Variants in RBL1 observed in about 807,000 individuals in gnomAD.
RBL1 encodes the protein retinoblastoma-like protein 1.
Under a neutral mutation model 123.0 loss-of-function variants are expected in RBL1, and 82 were observed. The observed-to-expected ratio is 0.67, with a 90% CI of 0.56 to 0.80. The LOEUF is 0.80. Among genes scored for constraint, RBL1 ranks in the 30% least tolerant of loss-of-function variants. The probability of loss-of-function intolerance (pLI) is 0.00; values close to 1 mark genes in which losing one functional copy is unlikely to be tolerated. For synonymous variants in RBL1, 405 were observed against 441.3 expected (o/e 0.92, Z 1.03); for missense variants, 1,171 against 1,299.6 (o/e 0.90, Z 1.52).
chr20:37,044,298 C>G, intron 12 of RBL1, 48 bp from the exon 13 acceptor site: 1 of 1,570,590 alleles, frequency 6.4e-7, no homozygotes, highest in Non-Finnish European at 8.7e-7. Flanking sequence ...GCAGTTAGTT[C>G]TAGTCTGGAC....
chr20:37,006,607 G>A (rs1374964350), intron 20 of RBL1, among the ~76,000 whole-genome samples: 3 of 151,108 alleles, frequency 2.0e-5, no homozygotes, highest in East Asian at 2.0e-4. Context: ...CTGGGAGGCC[G>A]AGGTGGGCGG....
chr20:37,001,749 T>G (rs900923268), intron 21 of RBL1, among the ~76,000 whole-genome samples: 2 of 105,724 alleles, frequency 1.9e-5, no homozygotes, highest in African/African-American at 3.6e-5. Flanking sequence ...CCAAGAATGA[T>G]CAATAAAAAA....
intron 21 of RBL1, among the ~76,000 whole-genome samples, chr20:37,000,417 G>A (rs1203821827): frequency 5.0e-5 from 6 of 120,176 alleles, no homozygotes; most frequent in Admixed American, 4.4e-4. Flanking sequence ...GGAGGGAGGT[G>A]GGGGGGTCAT....
intron 15 of RBL1, among the ~76,000 whole-genome samples, chr20:37,033,338 C>T (rs2064546035): frequency 6.6e-6 from 1 of 151,856 alleles, no homozygotes; most frequent in Non-Finnish European, 1.5e-5. Flanking sequence ...CATGCTACCA[C>T]ACCCGGCTAA....
rs547142100 is a variant in RBL1 at position 37,011,511 on chromosome 20, T to C, written c.2723-3952A>G. ...GTGCAGTGGCACAATCTCAGCTCACTGCAACCTCAGCCCCCAGGGTTCAAG... is the reference window on the plus strand; with the variant it reads ...GTGCAGTGGCACAATCTCAGCTCACCGCAACCTCAGCCCCCAGGGTTCAAG... On this transcript the variant is annotated intron_variant, in intron 19 of 21. Coordinates refer to ENST00000373664, the MANE Select transcript of RBL1 (RefSeq NM_002895.5). 9.8e-4 allele frequency among the ~76,000 whole-genome samples: 147 copies of C among 149,940 alleles called. 1 individual carries two copies. Among genetic ancestry groups the C allele is most frequent in the East Asian group, 1.2e-3 (6 of 5,078 alleles).
intron 7 of RBL1, 86 bp downstream of exon 7, chr20:37,065,338 T>A: frequency 1.0e-6 from 1 of 979,238 alleles, no homozygotes; most frequent in Non-Finnish European, 1.5e-6. Flanking sequence ...CTTACTTTGA[T>A]ATACTGTTAT....
chr20:37,017,620 TTGTG>T (rs147347259), intron 19 of RBL1, among the ~76,000 whole-genome samples: 47 of 139,802 alleles, frequency 3.4e-4, no homozygotes, highest in South Asian at 1.2e-3. Context: ...GGACATTTTC[TTGTG>T]TGTGTGTGTG....
intron 7 of RBL1, among the ~76,000 whole-genome samples, chr20:37,063,278 A>G (rs2065125621): frequency 6.6e-6 from 1 of 151,986 alleles, no homozygotes; most frequent in South Asian, 2.1e-4. Flanking sequence ...GGGTTTCACC[A>G]TGTTGGCCCA....
rs1331855797 is a variant in RBL1, at chr20:36,998,883, G to A, written c.3083C>T (p.Thr1028Ile). ...NNMIRQGEQR[T>I]KKRVIAIDSD... ...ATCGATGGCTATTACTCGCTTCTTG[G>A]TTCTCTGCTCACCTTGCCTTATCAT... is the stretch of plus-strand genomic sequence containing the variant. Residue 1028 changes from threonine to isoleucine, a missense_variant, in exon 22 of 22, where the codon ACC becomes ATC. Transcript: ENST00000373664. 2 of 1,613,700 alleles carry A rather than the reference G, an allele frequency of 1.2e-6. No individual in the cohort carries two copies. The highest frequency in any genetic ancestry group is 1.7e-6 in the Non-Finnish European group (2 of 1,179,768).
At chr20:37,012,626 A>G (rs868863489) in intron 19 of RBL1, among the ~76,000 whole-genome samples, 2,112 of 126,064 alleles carry the variant, frequency 0.017, 54 homozygotes, top group African/African-American at 0.064. Flanking sequence ...CCCTCCGCCC[A>G]GCAGCCACCC....
At chr20:37,011,228 T>C (rs1237404597) in intron 19 of RBL1, among the ~76,000 whole-genome samples, 2 of 152,166 alleles carry the variant, frequency 1.3e-5, no homozygotes, top group African/African-American at 2.4e-5. Context: ...GTTACTTAGG[T>C]TAAGCTATAA....
At chr20:37,011,034 G>C (rs1180330367) in intron 19 of RBL1, among the ~76,000 whole-genome samples, 1 of 151,808 alleles carries the variant, frequency 6.6e-6, no homozygotes, top group African/African-American at 2.4e-5. Flanking sequence ...TGCTCATGCT[G>C]GTCTTTAATT....
At chr20:37,078,216 G>GT (rs1005176373) in intron 2 of RBL1, among the ~76,000 whole-genome samples, 1 of 152,124 alleles carries the variant, frequency 6.6e-6, no homozygotes. Flanking sequence ...GATTTAGGTG[G>GT]TATGTGCCAT....
chr20:37,056,009 T>C (rs891953758), intron 10 of RBL1, 137 bp downstream of exon 10: 1 of 1,384,164 alleles, frequency 7.2e-7, no homozygotes, highest in African/African-American at 1.5e-5. Flanking sequence ...ATCATGCCAT[T>C]GCACTCCAGC....
intron 21 of RBL1, among the ~76,000 whole-genome samples, chr20:37,002,355 T>G (rs1334677895): frequency 3.9e-5 from 5 of 129,716 alleles, no homozygotes; most frequent in Non-Finnish European, 6.7e-5. Context: ...TTTTTTTTTT[T>G]TTTTTGAGAC....
chr20:37,050,544 CAAAAAAAAAAA>C (rs148834732), intron 11 of RBL1, among the ~76,000 whole-genome samples: 28 of 10,942 alleles, frequency 2.6e-3, no homozygotes, highest in African/African-American at 9.5e-3. Flanking sequence ...GACTCTGTCT[CAAAAAAAAAAA>C]AAAAAAAAAA....
chr20:37,092,418 T>G (rs2079628435), intron 1 of RBL1, among the ~76,000 whole-genome samples: 1 of 151,970 alleles, frequency 6.6e-6, no homozygotes, highest in Non-Finnish European at 1.5e-5. Flanking sequence ...GCCACTGCAG[T>G]CTTGACTTCC....
chr20:37,090,403 C>A (rs935693128), intron 1 of RBL1, among the ~76,000 whole-genome samples: 1 of 152,128 alleles, frequency 6.6e-6, no homozygotes. Flanking sequence ...GCATGACTTT[C>A]TTGATTTTAA....
At chr20:37,066,702 C>A in intron 6 of RBL1, 22 bp downstream of exon 6, 2 of 1,588,984 alleles carry the variant, frequency 1.3e-6, no homozygotes, top group South Asian at 2.3e-5. Context: ...ACATCTCAGT[C>A]ATCTAATTAT....
Sources: allele counts gnomAD v4.1 joint callset (sites outside exome capture counted in the v4.1 genomes callset), GRCh38; gene constraint gnomAD v4.1.1; transcripts MANE v1.5; gene names NCBI Gene and HGNC (gene_info 2026-07-23, HGNC 2026-07-21).